ADTRP: variants seen among roughly 807,000 people sequenced by gnomAD.
ADTRP encodes androgen dependent TFPI regulating protein.
In ADTRP, 20 loss-of-function variants were observed where a neutral mutation model predicts 27.0. The observed-to-expected ratio is 0.74, with a 90% CI of 0.52 to 1.08. The LOEUF (loss-of-function observed/expected upper bound fraction) is 1.08. ADTRP is among the 50% of genes least tolerant of loss of function. ADTRP has a pLI of 0.00. For missense variants in ADTRP, 251 were observed against 275.0 expected (o/e 0.91, Z 0.62); for synonymous variants, 101 against 105.2 (o/e 0.96, Z 0.25).
intron 5 of ADTRP, among the ~76,000 whole-genome samples, chr6:11,715,806 C>CTTTTTT (rs55961408): frequency 3.9e-5 from 3 of 77,698 alleles, no homozygotes; most frequent in African/African-American, 6.3e-5. Flanking sequence ...CCATGCCCAG[C>CTTTTTT]TTTTTTTTTT....
intron 3 of ADTRP, among the ~76,000 whole-genome samples, chr6:11,754,059 A>C (rs549296922): frequency 6.6e-6 from 1 of 152,268 alleles, no homozygotes; most frequent in East Asian, 1.9e-4. Context: ...TTGCAAGTAC[A>C]CTCTGCACTC....
At chr6:11,747,398 TTTTG>T (rs1237867693) in intron 3 of ADTRP, among the ~76,000 whole-genome samples, 2 of 152,206 alleles carry the variant, frequency 1.3e-5, no homozygotes, top group Admixed American at 6.5e-5. Context: ...CAAGGGTTTG[TTTTG>T]TTTGTTTGTG....
chr6:11,773,444 T>C (rs537916660), intron 1 of ADTRP, among the ~76,000 whole-genome samples: 1 of 152,316 alleles, frequency 6.6e-6, no homozygotes, highest in African/African-American at 2.4e-5. Context: ...TGGAATCAGC[T>C]GATCCCTTGA....
intron 5 of ADTRP, among the ~76,000 whole-genome samples, chr6:11,715,702 G>A (rs1761795113): frequency 7.0e-6 from 1 of 143,772 alleles, no homozygotes; most frequent in Non-Finnish European, 1.5e-5. Flanking sequence ...CTGGAATACG[G>A]TGGCACAATC....
chr6:11,766,214 G>T (rs1176943571), intron 3 of ADTRP, 60 bp downstream of exon 3: 3 of 1,261,732 alleles, frequency 2.4e-6, no homozygotes, highest in Non-Finnish European at 3.4e-6. Context: ...AAGGCACTGT[G>T]GAGTTTTCAG....
chr6:11,747,194 G>T (rs1762891926), intron 3 of ADTRP, among the ~76,000 whole-genome samples: 1 of 152,140 alleles, frequency 6.6e-6, no homozygotes, highest in African/African-American at 2.4e-5. Context: ...TTCTCCAAAG[G>T]TCACAAAATT....
chr6:11,763,824 ATT>A (rs1763466336), intron 3 of ADTRP, among the ~76,000 whole-genome samples: 1 of 152,238 alleles, frequency 6.6e-6, no homozygotes, highest in South Asian at 2.1e-4. Flanking sequence ...AGATATACTT[ATT>A]AGGACACTTA....
chr6:11,716,124 C>G (rs2113864835), intron 5 of ADTRP, among the ~76,000 whole-genome samples: 1 of 152,242 alleles, frequency 6.6e-6, no homozygotes, highest in South Asian at 2.1e-4. Flanking sequence ...AGCTCACATA[C>G]AAGAGGGACA....
At chr6:11,760,094 T>A (rs1219148959) in intron 3 of ADTRP, among the ~76,000 whole-genome samples, 1 of 152,232 alleles carries the variant, frequency 6.6e-6, no homozygotes, top group Non-Finnish European at 1.5e-5. Flanking sequence ...ACATTTGTAC[T>A]GTGTTCAGTT....
Position 11,768,158 on chromosome 6 carries a change from T to C in ADTRP, c.288+91A>G, listed in dbSNP as rs558805081. ...TAAATGCAGTGGGTGTGGTTTCCAA[T>C]TATGGGCTCCCAAACAGCTTGGCTG... On this transcript the variant is annotated intron_variant, in intron 2 of 5. Transcript: ENST00000414691. The C allele has an allele frequency of 9.3e-6, 14 of 1,510,676 alleles. No homozygotes were observed. The South Asian group carries it at 1.4e-4, about 15-fold the overall frequency. The allele number at this position is 1,510,676 out of a possible 1,614,324, so 93.6% of individuals were successfully genotyped here.
intron 2 of ADTRP, 135 bp from the exon 3 acceptor site, chr6:11,766,510 G>A (rs114348757): frequency 0.013 from 7,081 of 557,074 alleles, 78 homozygotes; most frequent in South Asian, 0.03. Flanking sequence ...TTATAGGAAT[G>A]TAGTACATAT....
At position 11,717,336 on chromosome 6, in the gene ADTRP, G is replaced by C. The variant is rs181799010; in HGVS notation, c.659-2824C>G. On this transcript the variant is annotated intron_variant, in intron 5 of 5. Coordinates refer to ENST00000414691, the MANE Select transcript of ADTRP (RefSeq NM_032744.4). ...GATATTCTTGACCAGTTGGTGCTTGGCTGGTGACTTCCAATCGGGCCACTG... is the reference window on the plus strand; with the variant it reads ...GATATTCTTGACCAGTTGGTGCTTGCCTGGTGACTTCCAATCGGGCCACTG... The C allele has an allele frequency of 3.4e-4, 438 of 1,304,234 alleles. 1 individual carries two copies. The highest frequency in any genetic ancestry group is 7.8e-4 in the Admixed American group (34 of 43,560). 80.8% of individuals were successfully genotyped at this position (1,304,234 alleles called of 1,614,324 possible).
intron 3 of ADTRP, chr6:11,736,353 A>G (rs981603658): frequency 1.3e-5 from 2 of 152,908 alleles, no homozygotes; most frequent in African/African-American, 4.8e-5. Context: ...ACACATGTTC[A>G]TGCATACTCT....
intron 4 of ADTRP, among the ~76,000 whole-genome samples, chr6:11,728,949 A>G (rs537503053): frequency 6.6e-6 from 1 of 152,298 alleles, no homozygotes; most frequent in South Asian, 2.1e-4. Flanking sequence ...TTCAAAGAGC[A>G]ATTTCACATC....
intron 3 of ADTRP, among the ~76,000 whole-genome samples, chr6:11,759,250 TAGA>T (rs1466918482): frequency 1.3e-5 from 2 of 151,814 alleles, no homozygotes. Context: ...AGAGGAGGAG[TAGA>T]AGAACCTTTT....
intron 4 of ADTRP, among the ~76,000 whole-genome samples, chr6:11,732,038 AGTGAGCT>A (rs1220022712): frequency 6.6e-6 from 1 of 152,208 alleles, no homozygotes; most frequent in African/African-American, 2.4e-5. Context: ...GGGAGAAATA[AGTGAGCT>A]ACCATATTTA....
chr6:11,726,755 C>A (rs1762217492), intron 4 of ADTRP, among the ~76,000 whole-genome samples: 2 of 152,110 alleles, frequency 1.3e-5, no homozygotes, highest in Admixed American at 1.3e-4. Flanking sequence ...GGTAAATGTA[C>A]AAAATGCTAC....
intron 3 of ADTRP, among the ~76,000 whole-genome samples, chr6:11,764,647 C>T (rs1363170566): frequency 6.6e-6 from 1 of 151,784 alleles, no homozygotes; most frequent in East Asian, 1.9e-4. Context: ...CAGATCGAAT[C>T]ACAAGTTCTG....
At chr6:11,768,903 C>T (rs1440886696) in intron 1 of ADTRP, among the ~76,000 whole-genome samples, 2 of 152,092 alleles carry the variant, frequency 1.3e-5, no homozygotes, top group African/African-American at 2.4e-5. Flanking sequence ...GGGTGCCTTG[C>T]TCAGCCGAAG....
Sources: allele counts gnomAD v4.1 joint callset (sites outside exome capture counted in the v4.1 genomes callset), GRCh38; gene constraint gnomAD v4.1.1; transcripts MANE v1.5; gene names NCBI Gene and HGNC (gene_info 2026-07-23, HGNC 2026-07-21).